Variants in PIK3C2A observed in about 807,000 individuals in gnomAD.
PIK3C2A encodes phosphatidylinositol-4-phosphate 3-kinase catalytic subunit type 2 alpha.
In PIK3C2A, 97 loss-of-function variants were observed where a neutral mutation model predicts 204.5. The observed-to-expected ratio is 0.47, with a 90% CI of 0.40 to 0.56. The LOEUF (loss-of-function observed/expected upper bound fraction) is 0.56, where lower values mean the gene tolerates loss of function less well. Among genes scored for constraint, PIK3C2A ranks in the 20% least tolerant of loss-of-function variants. The probability of loss-of-function intolerance (pLI) is 0.00; values close to 1 mark genes in which losing one functional copy is unlikely to be tolerated. For synonymous variants in PIK3C2A, 653 were observed against 664.4 expected (o/e 0.98, Z 0.26); for missense variants, 1,735 against 1,969.2 (o/e 0.88, Z 2.25).
rs143022303 is a variant in PIK3C2A, at chr11:17,135,126, T to C, written c.1882A>G (p.Arg628Gly). The C allele has an allele frequency of 3.1e-6, 5 of 1,613,940 alleles. No homozygotes were observed. In the African/African-American group the frequency reaches 5.3e-5, roughly 17 times the overall value. Residue 628 changes from arginine (R) to glycine (G), a missense_variant, in exon 10 of 33, where the codon AGG (arginine) becomes GGG (glycine). By Grantham distance (125) the Arg-to-Gly change is moderately radical. Coordinates refer to ENST00000691414, the MANE Select transcript of PIK3C2A (RefSeq NM_002645.4). ...TSLFGGEDTS[R>G]SSTRGSLNPE... Reference sequence around the variant, plus strand: ...AAACACATACCCCTAGTTGAACTCCTGCTAGTGTCTTCTCCTCCAAACAAA... The same window carrying C: ...AAACACATACCCCTAGTTGAACTCCCGCTAGTGTCTTCTCCTCCAAACAAA...
rs756860176 is a variant in PIK3C2A, at chr11:17,132,000, T to C, written c.2147A>G (p.Asn716Ser). Reference protein sequence around the residue: ...KYYLICSLSHNGKDLFKPIQS... With the variant: ...KYYLICSLSHSGKDLFKPIQS... The stretch of plus-strand genomic sequence containing the variant: ...AATAGGTTTAAAAAGATCCTTTCCA[T>C]TGTGAGACAGTGAACATATCAAGTA... Residue 716 changes from asparagine to serine, a missense_variant, in exon 12 of 33, where the codon AAT becomes AGT. By Grantham distance (46) the Asn-to-Ser change is conservative (BLOSUM62 1). Coordinates refer to ENST00000691414, the MANE Select transcript of PIK3C2A (RefSeq NM_002645.4). 1.9e-6 allele frequency: 3 copies of C among 1,564,830 alleles called. No individual in the cohort carries two copies. The highest frequency in any genetic ancestry group is 4.5e-5 in the East Asian group (2 of 44,474).
At chr11:17,190,422 T>C (rs1851899825) in intron 1 of PIK3C2A, among the ~76,000 whole-genome samples, 1 of 151,052 alleles carries the variant, frequency 6.6e-6, no homozygotes, top group Non-Finnish European at 1.5e-5. Context: ...AATACAAAAA[T>C]TAGCCAGGCG....
rs1651901768 is a variant in PIK3C2A, at chr11:17,134,835, T to C, written c.2092A>G (p.Ser698Gly). The change falls in exon 11 of 33, where the codon AGT becomes GGT. Residue 698 changes from serine to glycine, a missense_variant. By Grantham distance (56) the Ser-to-Gly change is moderately conservative. Transcript: ENST00000691414. ...GTTACTTACTTTGATACCCAATTACTTGAAATTCCATGAGCAGCAAAAATA... is the reference window on the plus strand; with the variant it reads ...GTTACTTACTTTGATACCCAATTACCTGAAATTCCATGAGCAGCAAAAATA... Reference protein sequence around the residue: ...FTIFAAHGISSNWVSNYEKYY... With the variant: ...FTIFAAHGISGNWVSNYEKYY... The C allele has an allele frequency of 3.1e-6, 5 of 1,613,548 alleles. No homozygotes were observed. The highest frequency in any genetic ancestry group is 1.3e-5 in the African/African-American group (1 of 74,912).
chr11:17,202,402 C>T (rs1419924169), intron 1 of PIK3C2A, among the ~76,000 whole-genome samples: 3 of 151,986 alleles, frequency 2.0e-5, no homozygotes. Flanking sequence ...GGCAAAACCC[C>T]TCCTCTACAA....
intron 1 of PIK3C2A, among the ~76,000 whole-genome samples, chr11:17,188,982 TCTC>T (rs1287315196): frequency 6.8e-6 from 1 of 146,392 alleles, no homozygotes; most frequent in East Asian, 1.9e-4. Context: ...GCTGCAGAGA[TCTC>T]CTGAGACACA....
chr11:17,130,650 C>A (rs1162240946), intron 12 of PIK3C2A, among the ~76,000 whole-genome samples: 4 of 149,978 alleles, frequency 2.7e-5, no homozygotes, highest in African/African-American at 2.5e-5. Context: ...ACTAAAAATA[C>A]AAAAAAATTA....
chr11:17,174,968 T>A (rs1851292961), intron 1 of PIK3C2A, among the ~76,000 whole-genome samples: 1 of 152,176 alleles, frequency 6.6e-6, no homozygotes, highest in Non-Finnish European at 1.5e-5. Flanking sequence ...TACGTAGATA[T>A]AATTCATCTT....
intron 24 of PIK3C2A, among the ~76,000 whole-genome samples, chr11:17,101,666 C>G (rs1305809232): frequency 2.0e-5 from 3 of 149,604 alleles, no homozygotes; most frequent in African/African-American, 7.4e-5. Context: ...TGCAGTGGCG[C>G]GATCTAGGCT....
rs1205340035 is a variant in PIK3C2A at position 17,132,055 on chromosome 11, T to TA, written c.2109-18dup. 7.0e-6 allele frequency: 10 copies of TA among 1,419,398 alleles called. No homozygotes were observed. Among genetic ancestry groups the TA allele is most frequent in the Admixed American group, 4.4e-5 (2 of 45,902 alleles). The allele number at this position is 1,419,398 out of a possible 1,614,324, so 87.9% of individuals were successfully genotyped here. A position where few individuals can be genotyped will look rare whatever the true frequency, so the allele number is the denominator to read the frequency against. ...TTTTCATAACTGAGAAAAGAAAGTTTAACTTGATTTCTATCATGATAATAC... is the reference window on the plus strand; with the variant it reads ...TTTTCATAACTGAGAAAAGAAAGTTTAAACTTGATTTCTATCATGATAATAC... On this transcript the variant is annotated splice_polypyrimidine_tract_variant and intron_variant, in intron 11 of 32. Coordinates refer to ENST00000691414, the MANE Select transcript of PIK3C2A (RefSeq NM_002645.4).
chr11:17,188,340 C>CA lies in PIK3C2A; in HGVS notation c.-65-18535dup, dbSNP rs1233899328. On this transcript the variant is annotated intron_variant, in intron 1 of 32. Transcript: ENST00000691414. ...TGGGTGACAGAGTGAGACCCTGTCT[C>CA]AAAAAAAAAGAAAAAGAAATGTCAC... 3.8e-4 allele frequency among the ~76,000 whole-genome samples: 54 copies of CA among 141,286 alleles called. 10 individuals carry two copies. Among genetic ancestry groups the CA allele is most frequent in the African/African-American group, 1.1e-3 (36 of 33,882 alleles). 92.7% of individuals were successfully genotyped at this position (141,286 alleles called of 152,430 possible). A position where few individuals can be genotyped will look rare whatever the true frequency, so the allele number is the denominator to read the frequency against.
At chr11:17,094,533 G>C (rs1848398874) in intron 27 of PIK3C2A, 148 bp from the exon 28 acceptor site, 1 of 561,372 alleles carries the variant, frequency 1.8e-6, no homozygotes, top group Non-Finnish European at 3.2e-6. Context: ...AGACCAGCCT[G>C]GGCAACATAG....
At chr11:17,174,886 G>A (rs889975381) in intron 1 of PIK3C2A, among the ~76,000 whole-genome samples, 2 of 152,012 alleles carry the variant, frequency 1.3e-5, no homozygotes, top group Non-Finnish European at 2.9e-5. Context: ...GGCAACAAGA[G>A]TGAAACTCTG....
chr11:17,154,176 T>C (rs1850511889), intron 3 of PIK3C2A, among the ~76,000 whole-genome samples: 1 of 152,076 alleles, frequency 6.6e-6, no homozygotes, highest in African/African-American at 2.4e-5. Flanking sequence ...AGAAAAAAGG[T>C]AGGTCTCAGA....
rs1357720734 is a variant in PIK3C2A at position 17,136,494 on chromosome 11, A to G, written c.1836T>C (p.Ser612=). Residue 612 remains serine, a synonymous_variant, in exon 9 of 33, where the codon AGT becomes AGC. Transcript: ENST00000691414. The part of the protein sequence containing the change: ...KLKRAVNLPR[S]KTADVTSLFG... ...CAAAAATACTCACATCAGCAGTTTT[A>G]CTCCTTGGAAGATTAACTGCTCTCT... The G allele has an allele frequency of 6.2e-7, 1 of 1,608,372 alleles. No individual in the cohort carries two copies.
At chr11:17,125,921 C>T (rs1016957918) in intron 13 of PIK3C2A, among the ~76,000 whole-genome samples, 16 of 151,672 alleles carry the variant, frequency 1.1e-4, no homozygotes, top group African/African-American at 3.9e-4. Context: ...GCCAGGAGTT[C>T]GAGACCAACC....
rs142316561 is a variant in PIK3C2A at position 17,089,741 on chromosome 11, C to T, written c.5058G>A (p.Leu1686=). The change falls in exon 33 of 33, where the codon TTG becomes TTA. Residue 1686 remains leucine, a synonymous_variant. Coordinates refer to ENST00000691414, the MANE Select transcript of PIK3C2A (RefSeq NM_002645.4). Reference sequence around the variant, plus strand: ...CAAAGCTCAAACATTCACTAGTTTACAAGTATGTTGCCGCAGTCAGCTGAT... The same window carrying T: ...CAAAGCTCAAACATTCACTAGTTTATAAGTATGTTGCCGCAGTCAGCTGAT... ...KWYQLTAATY[L] 7.0e-5 allele frequency: 112 copies of T among 1,609,588 alleles called. No homozygotes were observed. In the African/African-American group the frequency reaches 1.1e-3, roughly 16 times the overall value.
chr11:17,177,663 T>C (rs1851381909), intron 1 of PIK3C2A, among the ~76,000 whole-genome samples: 1 of 152,060 alleles, frequency 6.6e-6, no homozygotes, highest in Non-Finnish European at 1.5e-5. Flanking sequence ...TACTGATTCA[T>C]GGAAGGAAAA....
intron 1 of PIK3C2A, among the ~76,000 whole-genome samples, chr11:17,185,056 GCATTCACTCACTATT>G (rs1851708163): frequency 6.6e-6 from 1 of 151,920 alleles, no homozygotes; most frequent in Non-Finnish European, 1.5e-5. Context: ...CTAGGCCTTT[GCATTCACTCACTATT>G]CACTCATTGA....
In PIK3C2A at chr11:17,168,935, G is replaced by A; in HGVS notation, c.807C>T (p.Asp269=). Residue 269 remains aspartate (D), a synonymous_variant, in exon 2 of 33, where the codon GAC becomes GAT. Coordinates refer to ENST00000691414, the MANE Select transcript of PIK3C2A (RefSeq NM_002645.4). ...TACTTAGAGGATCCAAGTCTAACCAGTCAAATTTACTGATATCCTCAGACT... is the reference window on the plus strand; with the variant it reads ...TACTTAGAGGATCCAAGTCTAACCAATCAAATTTACTGATATCCTCAGACT... ...SPKSEDISKF[D]WLDLDPLSKP... 1 of 1,614,044 alleles carries A rather than the reference G, an allele frequency of 6.2e-7. No individual in the cohort carries two copies. The highest frequency in any genetic ancestry group is 8.5e-7 in the Non-Finnish European group (1 of 1,179,970).
Sources: gnomAD v4.1 joint callset for allele counts (sites outside exome capture counted in the v4.1 genomes callset) on GRCh38, gnomAD v4.1.1 for gene constraint, MANE v1.5 for transcripts, NCBI Gene and HGNC (gene_info 2026-07-23, HGNC 2026-07-21) for gene names.